The following POLG variants were observed in gnomAD, a reference collection of about 807,000 sequenced individuals.
The protein encoded by POLG is DNA polymerase subunit gamma-1.
In POLG, 110 loss-of-function variants were observed where a neutral mutation model predicts 155.4. The ratio of observed to expected loss-of-function variants is 0.71; its 90% CI spans 0.61 to 0.83. The LOEUF (loss-of-function observed/expected upper bound fraction) is 0.83, where lower values mean the gene tolerates loss of function less well. Among genes scored for constraint, POLG ranks in the 40% least tolerant of loss-of-function variants. The probability of loss-of-function intolerance (pLI) is 0.00; values close to 1 mark genes in which losing one functional copy is unlikely to be tolerated. For missense variants in POLG, 1,685 were observed against 1,627.5 expected, an observed-to-expected ratio of 1.04 and a Z score of -0.61; for synonymous variants, 701 against 631.5, an observed-to-expected ratio of 1.11 and a Z score of -1.65.
intron 10 of POLG, among the ~76,000 whole-genome samples, chr15:89,325,199 T>TGAGTGAGTGAGA (rs1567189787): frequency 4.4e-5 from 2 of 45,864 alleles, no homozygotes; most frequent in Non-Finnish European, 8.2e-5. Context: ...AGTGAGAGAG[T>TGAGTGAGTGAGA]GAGTGAGAGA....
chr15:89,326,949 C>T lies in POLG; in HGVS notation c.1548G>A (p.Glu516=), dbSNP rs555939259. ...EPATASKLPI[E]GAGAPGDPMD... is the part of the protein sequence containing the mutation. ...TGGGATCACCAGGGGCCCCAGCCCC[C>T]TCGATGGGCAACTTGCTGGCTGTGG... The change falls in exon 8 of 23, where the codon GAG becomes GAA. Residue 516 remains glutamate (E), a synonymous_variant. Coordinates refer to ENST00000268124, the MANE Select transcript of POLG (RefSeq NM_002693.3). 17 of 1,614,214 alleles carry T rather than the reference C, an allele frequency of 1.1e-5. No homozygotes were observed. The highest frequency in any genetic ancestry group is 6.7e-5 in the East Asian group (3 of 44,884).
At chr15:89,327,095 G>A in intron 7 of POLG, 32 bp from the exon 8 acceptor site, 2 of 1,614,226 alleles carry the variant, frequency 1.2e-6, no homozygotes, top group Non-Finnish European at 1.7e-6. Flanking sequence ...GCAGGGCTAA[G>A]GCTAAGCCGA....
rs1215153345 is a variant in POLG at position 89,326,631 on chromosome 15, G to A, written c.1693C>T (p.His565Tyr). Reference sequence around the variant, plus strand: ...GCTCACCCAGGGTGTCCAGGAAGGTGCTGGGGCCGCTTGGGCAGGAGCTCT... The same window carrying A: ...GCTCACCCAGGGTGTCCAGGAAGGTACTGGGGCCGCTTGGGCAGGAGCTCT... ...TTELLPKRPQHLPGHPGWYRK... is the reference protein window; with the variant it reads ...TTELLPKRPQYLPGHPGWYRK... The change falls in exon 9 of 23, where the codon CAC (histidine) becomes TAC (tyrosine). Residue 565 changes from histidine to tyrosine, a missense_variant. Transcript: ENST00000268124. 6.2e-7 allele frequency: 1 copy of A among 1,613,952 alleles called. No homozygotes were observed. The highest frequency in any genetic ancestry group is 8.5e-7 in the Non-Finnish European group (1 of 1,180,014).
Position 89,320,910 on chromosome 15 carries a change from G to A in POLG, c.2837C>T (p.Ala946Val). Reference protein sequence around the residue: ...ATTVGISREHAKIFNYGRIYG... With the variant: ...ATTVGISREHVKIFNYGRIYG... ...GATGCGGCCGTAGTTGAAGATTTTG[G>A]CATGCTCACGGCTGATGCCCACAGT... The change falls in exon 18 of 23, where the codon GCC (alanine) becomes GTC (valine). Residue 946 changes from alanine to valine, a missense_variant. Transcript: ENST00000268124. 6.2e-7 allele frequency: 1 copy of A among 1,613,928 alleles called. No homozygotes were observed. Among genetic ancestry groups the A allele is most frequent in the Non-Finnish European group, 8.5e-7 (1 of 1,180,028 alleles).
intron 21 of POLG, 143 bp from the exon 22 acceptor site, chr15:89,317,679 G>A (rs1437575404): frequency 8.7e-6 from 7 of 805,190 alleles, no homozygotes; most frequent in African/African-American, 1.7e-5. Context: ...AGTCAAGAAA[G>A]GTGAAGGTCC....
At position 89,319,287 on chromosome 15, in the gene POLG, A is replaced by C; in HGVS notation, c.3045T>G (p.Thr1015=). The C allele has an allele frequency of 6.2e-7, 1 of 1,614,170 alleles. No homozygotes were observed. Among genetic ancestry groups the C allele is most frequent in the South Asian group, 1.1e-5 (1 of 91,086 alleles). ...VRELNLPVDR[T]EGGWISLQDL... Reference sequence around the variant, plus strand: ...CCTGCAGGGAAATCCAGCCACCCTCAGTCCTGTCCACTGGGAGGTTCAACT... The same window carrying C: ...CCTGCAGGGAAATCCAGCCACCCTCCGTCCTGTCCACTGGGAGGTTCAACT... The change falls in exon 19 of 23, where the codon ACT becomes ACG. Residue 1015 remains threonine (T), a synonymous_variant. Transcript: ENST00000268124.
chr15:89,324,429 G>A, intron 10 of POLG: 1 of 667,228 alleles, frequency 1.5e-6, no homozygotes, highest in East Asian at 2.8e-5. Context: ...GCAGGCTGGG[G>A]TTCAAGGCCT....
In POLG at chr15:89,316,873, A is replaced by C. The variant is rs770976413; in HGVS notation, c.3644-46T>G. ...GTTAGGATGCCACCTCAAGAACTGTAACTGAGAGCTCAGAAGTGAGCAAAG... is the reference window on the plus strand; with the variant it reads ...GTTAGGATGCCACCTCAAGAACTGTCACTGAGAGCTCAGAAGTGAGCAAAG... On this transcript the variant is annotated intron_variant, in intron 22 of 22. Coordinates refer to ENST00000268124, the MANE Select transcript of POLG (RefSeq NM_002693.3). 7 of 1,369,426 alleles carry C rather than the reference A, an allele frequency of 5.1e-6. No individual in the cohort carries two copies. In the South Asian group the frequency reaches 8.1e-5, roughly 16 times the overall value. The allele number at this position is 1,369,426 out of a possible 1,614,324, so 84.8% of individuals were successfully genotyped here.
At chr15:89,330,331 CACA>C in intron 2 of POLG, 55 bp from the exon 3 acceptor site, 4 of 1,332,888 alleles carry the variant, frequency 3.0e-6, no homozygotes, top group Admixed American at 1.8e-5. Context: ...ACTTCCACTC[CACA>C]ACAACCACTG....
intron 9 of POLG, 33 bp from the exon 10 acceptor site, chr15:89,325,719 ATGGTAAGGG>A (rs750737745): frequency 6.7e-7 from 1 of 1,488,350 alleles, no homozygotes; most frequent in South Asian, 1.1e-5. Flanking sequence ...CAGTGTCACG[ATGGTAAGGG>A]CAGTTGTTGG....
rs1164805902 is a variant in POLG, at chr15:89,316,380, A to C, written c.*371T>G. The C allele has an allele frequency of 6.2e-7, 1 of 1,608,540 alleles. No individual in the cohort carries two copies. Among genetic ancestry groups the C allele is most frequent in the African/African-American group, 1.3e-5 (1 of 74,810 alleles). On this transcript the variant is annotated 3_prime_UTR_variant, in exon 23 of 23. Transcript: ENST00000268124. ...GCAGGTTTATCACGTTAGAGCATTA[A>C]TTCTTTCCCCTTCTAGGGCACTGCA... is the stretch of plus-strand genomic sequence containing the variant.
At chr15:89,316,871 GTAAC>G (rs1441451681) in intron 22 of POLG, 44 bp from the exon 23 acceptor site, 1 of 1,376,188 alleles carries the variant, frequency 7.3e-7, no homozygotes, top group South Asian at 1.2e-5. Flanking sequence ...CTCAAGAACT[GTAAC>G]TGAGAGCTCA....
At chr15:89,331,628 C>T (rs1310497252) in intron 2 of POLG, among the ~76,000 whole-genome samples, 1 of 152,232 alleles carries the variant, frequency 6.6e-6, no homozygotes, top group Non-Finnish European at 1.5e-5. Flanking sequence ...TGGGAAGAAG[C>T]TGCCCTGTGG....
At chr15:89,326,873 A>C in intron 8 of POLG, 39 bp downstream of exon 8, 1 of 1,612,910 alleles carries the variant, frequency 6.2e-7, no homozygotes, top group Non-Finnish European at 8.5e-7. Context: ...TCCCAGAGAC[A>C]ACCCCTACCC....
At chr15:89,326,093 G>C (rs895798214) in intron 9 of POLG, among the ~76,000 whole-genome samples, 5 of 152,144 alleles carry the variant, frequency 3.3e-5, no homozygotes, top group Non-Finnish European at 5.9e-5. Context: ...TTGAGCCCAG[G>C]GTGAGACTAG....
intron 3 of POLG, 139 bp from the exon 4 acceptor site, chr15:89,329,249 A>C (rs750187265): frequency 4.3e-6 from 3 of 705,672 alleles, no homozygotes; most frequent in African/African-American, 3.5e-5. Context: ...ACAGCCTTCA[A>C]CACCAAATAC....
chr15:89,325,746 G>T (rs1596357212), intron 9 of POLG, 60 bp from the exon 10 acceptor site: 12 of 1,310,192 alleles, frequency 9.2e-6, no homozygotes, highest in African/African-American at 2.9e-5. Context: ...TGGGGGGAAG[G>T]TTCTCTCTCT....
intron 10 of POLG, 147 bp downstream of exon 10, chr15:89,325,303 T>TGC: frequency 1.5e-6 from 1 of 679,612 alleles, no homozygotes; most frequent in Non-Finnish European, 2.6e-6. Context: ...AGAGAGGGTG[T>TGC]GTGTGTGTGT....
Position 89,322,800 on chromosome 15 carries a change from G to A in POLG, c.2368C>T (p.Arg790Cys), listed in dbSNP as rs775168496. 44 of 1,614,022 alleles carry A rather than the reference G, an allele frequency of 2.7e-5. No individual in the cohort carries two copies. The highest frequency in any genetic ancestry group is 8.9e-5 in the East Asian group (4 of 44,896). Residue 790 changes from arginine (R) to cysteine (C), a missense_variant, in exon 14 of 23, where the codon CGT (arginine) becomes TGT (cysteine). Physicochemically the swap from Arg to Cys is radical, Grantham distance 180. Coordinates refer to ENST00000268124, the MANE Select transcript of POLG (RefSeq NM_002693.3). ...ATCATTTTGTTGATTTCCAGAGCACGGGGCCCACTGGCACCTCCTGGGCCA... is the reference window on the plus strand; with the variant it reads ...ATCATTTTGTTGATTTCCAGAGCACAGGGCCCACTGGCACCTCCTGGGCCA... ...QAGPGGASGPRALEINKMISF... is the reference protein window; with the variant it reads ...QAGPGGASGPCALEINKMISF...
Sources: allele counts gnomAD v4.1 joint callset (sites outside exome capture counted in the v4.1 genomes callset), GRCh38; gene constraint gnomAD v4.1.1; transcripts MANE v1.5; gene names NCBI Gene and HGNC (gene_info 2026-07-23, HGNC 2026-07-21).